Variants in DMD observed in about 807,000 individuals in gnomAD.
DMD encodes mutant dystrophin.
DMD carries 63 observed loss-of-function variants against 330.1 expected under a neutral mutation model. That is an observed-to-expected ratio of 0.19 (90% CI 0.16 to 0.24). The LOEUF is 0.24. Among genes scored for constraint, DMD ranks in the 10% least tolerant of loss-of-function variants. The pLI is 1.00. For synonymous variants in DMD, 1,223 were observed against 959.8 expected (o/e 1.27, Z -5.07); for missense variants, 3,344 against 2,684.1 (o/e 1.25, Z -5.43).
intron 7 of DMD, among the ~76,000 whole-genome samples, chrX:32,799,937 A>G (rs1043244590): frequency 1.8e-5 from 2 of 111,512 alleles, no homozygotes; most frequent in African/African-American, 6.5e-5. Context: ...CTCAGGCCTC[A>G]AAACACCAGT....
At chrX:32,038,619 G>C (rs1288708290) in intron 44 of DMD, among the ~76,000 whole-genome samples, 1 of 110,099 alleles carries the variant, frequency 9.1e-6, no homozygotes, top group African/African-American at 3.3e-5. Context: ...AGCAAACAAG[G>C]TAACCCTGGA....
At chrX:31,620,540 G>A (rs759876124) in intron 55 of DMD, among the ~76,000 whole-genome samples, 1 of 107,835 alleles carries the variant, frequency 9.3e-6, no homozygotes, top group African/African-American at 3.4e-5. Flanking sequence ...TCTGCCTCCC[G>A]AGTAGTTGGG....
chrX:32,633,223 G>A (rs1158370268), intron 11 of DMD, among the ~76,000 whole-genome samples: 1 of 111,576 alleles, frequency 9.0e-6, no homozygotes, highest in Admixed American at 9.5e-5. Flanking sequence ...ACATTTTGCT[G>A]CTTAGAAATT....
intron 47 of DMD, among the ~76,000 whole-genome samples, chrX:31,918,280 G>A (rs1185413019): frequency 1.8e-5 from 2 of 111,898 alleles, no homozygotes; most frequent in African/African-American, 3.3e-5. Flanking sequence ...CATCACTGTT[G>A]GACAAATGAG....
chrX:32,279,217 T>C lies in DMD; in HGVS notation c.6290+8312A>G, dbSNP rs193015845. ...GACTCCTGTACACTGTTGGCAGGAA[T>C]GTAAATTAGTACAACCAAAATGGAG... On this transcript the variant is annotated intron_variant, in intron 43 of 78. Transcript: ENST00000357033. 4.5e-5 allele frequency among the ~76,000 whole-genome samples: 5 copies of C among 111,676 alleles called. No individual in the cohort carries two copies. The East Asian group carries it at 8.5e-4, about 19-fold the overall frequency.
intron 12 of DMD, among the ~76,000 whole-genome samples, chrX:32,612,272 T>C (rs2057237556): frequency 9.0e-6 from 1 of 110,999 alleles, no homozygotes; most frequent in African/African-American, 3.3e-5. Flanking sequence ...AGGGCAGCTC[T>C]GGTGGCACTA....
At chrX:31,870,858 G>T (rs1389961688) in intron 48 of DMD, among the ~76,000 whole-genome samples, 2 of 111,586 alleles carry the variant, frequency 1.8e-5, no homozygotes, top group Admixed American at 9.5e-5. Flanking sequence ...CTGTGATTAA[G>T]ATGAAAGTAT....
intron 1 of DMD, among the ~76,000 whole-genome samples, chrX:33,122,014 T>C: frequency 1.8e-5 from 2 of 111,847 alleles, no homozygotes; most frequent in Middle Eastern, 4.6e-3. Context: ...TCACTTGAGG[T>C]CAGGAGTTCG....
chrX:32,034,958 A>G (rs966408581), intron 44 of DMD, among the ~76,000 whole-genome samples: 4 of 111,936 alleles, frequency 3.6e-5, no homozygotes, highest in African/African-American at 1.3e-4. Context: ...TTGTAGGTCA[A>G]AATACTTTAT....
At chrX:33,331,949 G>C (rs977873524) in intron 1 of DMD, among the ~76,000 whole-genome samples, 1 of 111,333 alleles carries the variant, frequency 9.0e-6, no homozygotes, top group African/African-American at 3.3e-5. Flanking sequence ...AAGTATTCTT[G>C]TTTTATTCAG....
At chrX:31,280,379 T>G (rs886681798) in intron 62 of DMD, among the ~76,000 whole-genome samples, 2 of 111,626 alleles carry the variant, frequency 1.8e-5, no homozygotes, top group African/African-American at 6.5e-5. Context: ...TTATAGAAAA[T>G]TCTTGAAAAT....
At chrX:33,095,298 C>T (rs1002394102) in intron 1 of DMD, among the ~76,000 whole-genome samples, 12 of 112,542 alleles carry the variant, frequency 1.1e-4, no homozygotes, top group African/African-American at 3.9e-4. Context: ...AACACTCACA[C>T]GGGTGGTATA....
intron 34 of DMD, among the ~76,000 whole-genome samples, chrX:32,380,288 A>G (rs1041725840): frequency 2.7e-5 from 3 of 111,147 alleles, no homozygotes; most frequent in Non-Finnish European, 3.8e-5. Flanking sequence ...TCTTATTCAT[A>G]ATTTACTGAA....
intron 1 of DMD, among the ~76,000 whole-genome samples, chrX:33,287,123 T>C (rs2053445153): frequency 8.9e-6 from 1 of 112,030 alleles, no homozygotes; most frequent in Non-Finnish European, 1.9e-5. Flanking sequence ...CTATGCTAGC[T>C]AGCATTAAAA....
chrX:31,867,261 T>A (rs1862005643), intron 48 of DMD, among the ~76,000 whole-genome samples: 1 of 109,909 alleles, frequency 9.1e-6, no homozygotes, highest in Admixed American at 9.8e-5. Flanking sequence ...TTGTTTCTTA[T>A]CAGAATAAGT....
At chrX:31,742,516 T>C (rs1424625814) in intron 51 of DMD, among the ~76,000 whole-genome samples, 2 of 111,981 alleles carry the variant, frequency 1.8e-5, no homozygotes, top group Admixed American at 9.5e-5. Context: ...GATGAGGGAA[T>C]GGCTGATCAG....
chrX:31,365,094 C>CAAAAA (rs35244488), intron 60 of DMD, among the ~76,000 whole-genome samples: 5 of 44,134 alleles, frequency 1.1e-4, no homozygotes, highest in Admixed American at 3.4e-4. Flanking sequence ...GACCCCATCT[C>CAAAAA]AAAAAAAAAA....
At chrX:33,332,539 T>C (rs907791789) in intron 1 of DMD, among the ~76,000 whole-genome samples, 6 of 111,430 alleles carry the variant, frequency 5.4e-5, no homozygotes, top group African/African-American at 2.0e-4. Flanking sequence ...CTCTGACTTA[T>C]ATTTTCCTGA....
At chrX:32,903,511 C>T (rs2086484256) in intron 2 of DMD, among the ~76,000 whole-genome samples, 1 of 111,107 alleles carries the variant, frequency 9.0e-6, no homozygotes, top group Admixed American at 9.6e-5. Flanking sequence ...CTGAGCATTA[C>T]AGTTACCCAG....
Sources: allele counts gnomAD v4.1 joint callset (sites outside exome capture counted in the v4.1 genomes callset), GRCh38; gene constraint gnomAD v4.1.1; transcripts MANE v1.5; gene names NCBI Gene and HGNC (gene_info 2026-07-23, HGNC 2026-07-21).